Variants in CCDC33 observed in about 807,000 individuals in gnomAD.
The protein encoded by CCDC33 is coiled-coil domain-containing protein 33.
A neutral mutation model predicts 91.9 loss-of-function variants in CCDC33; 94 were observed. The ratio of observed to expected loss-of-function variants is 1.02; its 90% CI spans 0.87 to 1.21. The LOEUF is 1.21. Among genes scored for constraint, CCDC33 ranks in the 50% most tolerant of loss-of-function variants. The pLI is 0.00. For missense variants in CCDC33, 940 were observed against 935.5 expected (o/e 1.00, Z -0.06); for synonymous variants, 396 against 374.5 (o/e 1.06, Z -0.66).
chr15:74,281,154 A>G (rs1289108548), intron 9 of CCDC33, among the ~76,000 whole-genome samples: 1 of 152,212 alleles, frequency 6.6e-6, no homozygotes, highest in Non-Finnish European at 1.5e-5. Flanking sequence ...CAGGCACATT[A>G]CTGAACCACA....
chr15:74,266,356 G>A (rs184650376), intron 3 of CCDC33, among the ~76,000 whole-genome samples: 22 of 152,258 alleles, frequency 1.4e-4, no homozygotes, highest in Non-Finnish European at 2.9e-4. Flanking sequence ...GTGTGCACAT[G>A]TGTGTCTGTT....
intron 11 of CCDC33, among the ~76,000 whole-genome samples, chr15:74,323,644 C>T (rs1188193367): frequency 2.0e-5 from 3 of 152,252 alleles, no homozygotes; most frequent in Admixed American, 6.5e-5. Context: ...TCTCAGGCCT[C>T]GGCCTGCCAA....
intron 2 of CCDC33, among the ~76,000 whole-genome samples, chr15:74,258,964 C>A (rs986291156): frequency 2.0e-5 from 3 of 152,198 alleles, no homozygotes; most frequent in African/African-American, 7.2e-5. Context: ...CAAAGACACA[C>A]ACACCCTTCC....
At chr15:74,308,557 G>A (rs908499242) in intron 11 of CCDC33, among the ~76,000 whole-genome samples, 5 of 152,086 alleles carry the variant, frequency 3.3e-5, no homozygotes, top group East Asian at 1.9e-4. Context: ...GCTGAGACCC[G>A]AGTGGCTTGA....
At chr15:74,264,258 G>C (rs1251341318) in intron 3 of CCDC33, among the ~76,000 whole-genome samples, 1 of 152,174 alleles carries the variant, frequency 6.6e-6, no homozygotes, top group African/African-American at 2.4e-5. Context: ...GGTAGCTCAA[G>C]GATGTGTTAA....
chr15:74,298,175 T>C (rs938112783), intron 11 of CCDC33, among the ~76,000 whole-genome samples: 107 of 152,176 alleles, frequency 7.0e-4, no homozygotes, highest in Non-Finnish European at 1.4e-3. Context: ...GATGTCTTAA[T>C]ACCATGGATT....
At chr15:74,302,320 G>C (rs2059811211) in intron 11 of CCDC33, 1 of 152,278 alleles carries the variant, frequency 6.6e-6, no homozygotes, top group Admixed American at 6.5e-5. Context: ...GAGGACCAGG[G>C]AAGCTGTGGC....
In CCDC33 at chr15:74,295,786, CA is replaced by C; in HGVS notation, c.1130del (p.Lys377ArgfsTer15). ...PENFLTPNNS[K>X]ALPTLDPKIL... ...AAAACTTCTTGACACCAAACAACAG[CA>C]AGGCTCTTCCTACCTTGGACCCCAA... On this transcript the variant is annotated frameshift_variant, in exon 11 of 19. Transcript: ENST00000398814. LOFTEE classifies it high-confidence loss of function. 6.2e-7 allele frequency: 1 copy of C among 1,613,704 alleles called. No individual in the cohort carries two copies. The highest frequency in any genetic ancestry group is 8.5e-7 in the Non-Finnish European group (1 of 1,179,846).
intron 11 of CCDC33, among the ~76,000 whole-genome samples, chr15:74,320,987 C>T (rs1009255983): frequency 6.6e-6 from 1 of 152,174 alleles, no homozygotes; most frequent in Non-Finnish European, 1.5e-5. Flanking sequence ...GTCCCAGTGG[C>T]ATTGGCCCGT....
intron 11 of CCDC33, among the ~76,000 whole-genome samples, chr15:74,312,332 G>A (rs988125568): frequency 2.6e-5 from 4 of 152,206 alleles, no homozygotes; most frequent in East Asian, 1.9e-4. Flanking sequence ...CAGGCCAGCC[G>A]CAGTGTCAGC....
At chr15:74,252,982 AT>A (rs1192365180) in intron 2 of CCDC33, among the ~76,000 whole-genome samples, 7 of 152,128 alleles carry the variant, frequency 4.6e-5, no homozygotes, top group Non-Finnish European at 1.0e-4. Flanking sequence ...AGCCATAAGG[AT>A]TCTTTCCAGA....
At chr15:74,268,758 G>C (rs1014881979) in intron 5 of CCDC33, among the ~76,000 whole-genome samples, 1 of 152,214 alleles carries the variant, frequency 6.6e-6, no homozygotes, top group Non-Finnish European at 1.5e-5. Context: ...TCTCTGTGCT[G>C]CAGTGGGGAC....
At chr15:74,249,739 T>C (rs1038864595) in intron 2 of CCDC33, among the ~76,000 whole-genome samples, 4 of 152,212 alleles carry the variant, frequency 2.6e-5, no homozygotes, top group African/African-American at 9.6e-5. Context: ...TGTGCCTGCC[T>C]ATCAGACACC....
At chr15:74,280,942 C>A (rs1036625786) in intron 9 of CCDC33, 141 bp downstream of exon 9, 2 of 857,424 alleles carry the variant, frequency 2.3e-6, no homozygotes, top group Non-Finnish European at 3.2e-6. Context: ...AGGGAAGTCA[C>A]CCAGTCTAGA....
chr15:74,329,948 C>T (rs1179193283), intron 11 of CCDC33, among the ~76,000 whole-genome samples: 1 of 152,220 alleles, frequency 6.6e-6, no homozygotes, highest in Non-Finnish European at 1.5e-5. Flanking sequence ...GTTGGTATCA[C>T]AGGACGTGAT....
exon 1 of CCDC33, chr15:74,203,034 G>T: frequency 1.0e-6 from 1 of 985,730 alleles, no homozygotes. Flanking sequence ...GAGCTCCCAA[G>T]CCCCTGCCCG....
rs530647320 is a variant in CCDC33 at position 74,207,142 on chromosome 15, G to A, written n.90-2246G>A. Among the ~76,000 whole-genome samples, 8 of 152,290 alleles carry A rather than the reference G, an allele frequency of 5.3e-5. No homozygotes were observed. In the South Asian group the frequency reaches 1.5e-3, roughly 28 times the overall value. On this transcript the variant is annotated intron_variant and non_coding_transcript_variant, in intron 1 of 3. Coordinates refer to the CCDC33 transcript ENST00000558645. Reference sequence around the variant, plus strand: ...ACCTGAGGAATTTTTGCATCCAGGAGCAGAGGCCCACGTGCATTTCTGCGG... The same window carrying A: ...ACCTGAGGAATTTTTGCATCCAGGAACAGAGGCCCACGTGCATTTCTGCGG...
intron 2 of CCDC33, 125 bp from the exon 3 acceptor site, chr15:74,262,315 A>G (rs777760196): frequency 2.7e-5 from 34 of 1,270,086 alleles, no homozygotes; most frequent in East Asian, 9.4e-5. Context: ...GTGTCTATGC[A>G]TGGGACAGAG....
At chr15:74,217,487 T>C in exon 1 of CCDC33, 2 of 1,289,682 alleles carry the variant, frequency 1.6e-6, no homozygotes, top group Non-Finnish European at 1.0e-6. Flanking sequence ...ACCCCTTCCC[T>C]GCCTGCTCTG....
Sources: allele counts gnomAD v4.1 joint callset (sites outside exome capture counted in the v4.1 genomes callset), GRCh38; gene constraint gnomAD v4.1.1; transcripts MANE v1.5; gene names NCBI Gene and HGNC (gene_info 2026-07-23, HGNC 2026-07-21).